ABCG4: variants seen among roughly 807,000 people sequenced by gnomAD.
ABCG4 encodes ATP-binding cassette sub-family G member 4.
A neutral mutation model predicts 64.6 loss-of-function variants in ABCG4; 35 were observed. The observed-to-expected ratio is 0.54, with a 90% CI of 0.41 to 0.72. ABCG4 has a LOEUF of 0.72. ABCG4 is among the 30% of genes least tolerant of loss of function. The pLI, the probability that ABCG4 is intolerant of heterozygous loss-of-function variation, is 0.00. For synonymous variants in ABCG4, 326 were observed against 348.2 expected, an observed-to-expected ratio of 0.94 and a Z score of 0.71; for missense variants, 610 against 846.3, an observed-to-expected ratio of 0.72 and a Z score of 3.46.
Position 119,158,376 on chromosome 11 carries a change from C to T in ABCG4, c.1167+44C>T. The T allele has an allele frequency of 1.3e-6, 2 of 1,597,322 alleles. No homozygotes were observed. Among genetic ancestry groups the T allele is most frequent in the Non-Finnish European group, 1.7e-6 (2 of 1,165,294 alleles). ...GGAGAGGAGGCTGGCACAGGCCTGA[C>T]CTTTTGGGCTGTAGGATCCCAGCAG... On this transcript the variant is annotated intron_variant, in intron 10 of 14. Coordinates refer to ENST00000619701, the MANE Select transcript of ABCG4 (RefSeq NM_022169.5). The surrounding 1 kb of genome is among the most constrained non-coding windows in gnomAD (Gnocchi z 4.5).
Position 119,156,118 on chromosome 11 carries a change from C to G in ABCG4, c.687-211C>G. ...TGTAATCCCAGTGCCTGGCATACAA[C>G]AGGTCCTCAATATATGCTTATGAAA... On this transcript the variant is annotated intron_variant, in intron 6 of 14. Coordinates refer to ENST00000619701, the MANE Select transcript of ABCG4 (RefSeq NM_022169.5). This position sits in a 1 kb window ranked among gnomAD's most constrained non-coding sequence, Gnocchi z 5.5. 1.7e-6 allele frequency: 1 copy of G among 594,060 alleles called. No individual in the cohort carries two copies. The allele number at this position is 594,060 out of a possible 1,614,324, so 36.8% of individuals were successfully genotyped here. A position where few individuals can be genotyped will look rare whatever the true frequency, so the allele number is the denominator to read the frequency against.
chr11:119,160,930 G>A lies in ABCG4; in HGVS notation c.1765G>A (p.Asp589Asn). The change falls in exon 15 of 15, where the codon GAC becomes AAC. Residue 589 changes from aspartate (D) to asparagine (N), a missense_variant. Coordinates refer to ENST00000619701, the MANE Select transcript of ABCG4 (RefSeq NM_022169.5). The surrounding 1 kb of genome is among the most constrained non-coding windows in gnomAD (Gnocchi z 4.6). ...GACGATCTATGGCATGGAGCGAGGA[G>A]ACCTGACATGTTTAGAGGAACGCTG... ...ILTIYGMERG[D>N]LTCLEERCPF... 6.2e-7 allele frequency: 1 copy of A among 1,614,088 alleles called. No homozygotes were observed. The highest frequency in any genetic ancestry group is 8.5e-7 in the Non-Finnish European group (1 of 1,179,978).
intron 9 of ABCG4, among the ~76,000 whole-genome samples, chr11:119,157,572 G>A (rs948051550): frequency 2.6e-5 from 4 of 152,270 alleles, no homozygotes; most frequent in South Asian, 4.1e-4. Context: ...TGTAAAATTG[G>A]TGGCATAAAG....
Position 119,154,705 on chromosome 11 carries a change from C to G in ABCG4, c.541-65C>G. 1.9e-6 allele frequency: 3 copies of G among 1,585,292 alleles called. No homozygotes were observed. The highest frequency in any genetic ancestry group is 2.6e-6 in the Non-Finnish European group (3 of 1,162,976). ...CACTTAAGGGAGATGCTTTTTGAAG[C>G]TGGGGTGGTGCCTGGGGGAAGCAGA... is the stretch of plus-strand genomic sequence containing the variant. On this transcript the variant is annotated intron_variant, in intron 5 of 14. Transcript: ENST00000619701. The surrounding 1 kb of genome is among the most constrained non-coding windows in gnomAD (Gnocchi z 7.0).
In ABCG4 at chr11:119,154,061, T is replaced by C; in HGVS notation, c.274T>C (p.Phe92Leu). 1 of 1,614,170 alleles carries C rather than the reference T, an allele frequency of 6.2e-7. No individual in the cohort carries two copies. Among genetic ancestry groups the C allele is most frequent in the Non-Finnish European group, 8.5e-7 (1 of 1,180,030 alleles). ...KTLLKCLSGK[F>L]CRRELIGIMG... ...CCTTCTCAAGTGCCTCTCAGGTAAA[T>C]TCTGCCGCCGGGAGCTGATTGGCAT... is the stretch of plus-strand genomic sequence containing the variant. Residue 92 changes from phenylalanine (F) to leucine (L), a missense_variant, in exon 3 of 15, where the codon TTC (phenylalanine) becomes CTC (leucine). By Grantham distance (22) the Phe-to-Leu change is conservative. Coordinates refer to ENST00000619701, the MANE Select transcript of ABCG4 (RefSeq NM_022169.5). The surrounding 1 kb of genome is among the most constrained non-coding windows in gnomAD (Gnocchi z 7.0).
At chr11:119,153,944 T>C (rs767579685) in intron 2 of ABCG4, 82 bp from the exon 3 acceptor site, 24 of 1,177,992 alleles carry the variant, frequency 2.0e-5, no homozygotes, top group Non-Finnish European at 2.9e-5. Flanking sequence ...ATTTCACTGA[T>C]AGCCATGGCT....
Position 119,159,384 on chromosome 11 carries a change from C to A in ABCG4, c.1437+455C>A, listed in dbSNP as rs199883745. Among the ~76,000 whole-genome samples the A allele has an allele frequency of 4.0e-3, 163 of 40,778 alleles. 1 individual carries two copies. The East Asian group carries it at 0.23, about 57-fold the overall frequency. The allele number at this position is 40,778 out of a possible 152,430, so 26.8% of individuals were successfully genotyped here. ...CACCTGTAGTCCCAGCTACTGGGGG[C>A]AATAACCCTACAAATGACTCTGTAA... On this transcript the variant is annotated intron_variant, in intron 12 of 14. Transcript: ENST00000619701.
In ABCG4 at chr11:119,157,165, A is replaced by G. The variant is rs779730367; in HGVS notation, c.1068+151A>G. 9 of 1,058,114 alleles carry G rather than the reference A, an allele frequency of 8.5e-6. No homozygotes were observed. In the African/African-American group the frequency reaches 1.5e-4, roughly 17 times the overall value. The allele number at this position is 1,058,114 out of a possible 1,614,324, so 65.5% of individuals were successfully genotyped here. A position where few individuals can be genotyped will look rare whatever the true frequency, so the allele number is the denominator to read the frequency against. On this transcript the variant is annotated intron_variant, in intron 9 of 14. Transcript: ENST00000619701. ...AGGACTTGGAATCGACCTACTAGGA[A>G]CAGCACTGTGACCTTAGGCACATTA...
In ABCG4 at chr11:119,155,177, T is replaced by A. The variant is rs968089649; in HGVS notation, c.686+262T>A. Among the ~76,000 whole-genome samples, 1 of 152,208 alleles carries A rather than the reference T, an allele frequency of 6.6e-6. No homozygotes were observed. The highest frequency in any genetic ancestry group is 2.4e-5 in the African/African-American group (1 of 41,458). The stretch of plus-strand genomic sequence containing the variant: ...CTCAGCCATCAGTCACCAAGTCCTG[T>A]TGATTCTGCCTCCTTTTGATATCTC... On this transcript the variant is annotated intron_variant, in intron 6 of 14. Coordinates refer to ENST00000619701, the MANE Select transcript of ABCG4 (RefSeq NM_022169.5). This position sits in a 1 kb window ranked among gnomAD's most constrained non-coding sequence, Gnocchi z 4.5.
In ABCG4 at chr11:119,161,458, G is replaced by A. The variant is rs774485282; in HGVS notation, c.*352G>A. ...GCCTGGGAGCCCTAGGCTCTCTAGGGCCCCACTTACAACTGACCAAAGTGG... is the reference window on the plus strand; with the variant it reads ...GCCTGGGAGCCCTAGGCTCTCTAGGACCCCACTTACAACTGACCAAAGTGG... On this transcript the variant is annotated 3_prime_UTR_variant, in exon 15 of 15. Coordinates refer to ENST00000619701, the MANE Select transcript of ABCG4 (RefSeq NM_022169.5). The A allele has an allele frequency of 4.5e-6, 1 of 219,914 alleles. No individual in the cohort carries two copies. Among genetic ancestry groups the A allele is most frequent in the Non-Finnish European group, 9.2e-6 (1 of 109,176 alleles). The allele number at this position is 219,914 out of a possible 1,614,324, so 13.6% of individuals were successfully genotyped here.
Position 119,160,124 on chromosome 11 carries a change from C to A in ABCG4, c.1438-103C>A. 1 of 1,319,054 alleles carries A rather than the reference C, an allele frequency of 7.6e-7. No individual in the cohort carries two copies. The highest frequency in any genetic ancestry group is 2.2e-4 in the Middle Eastern group (1 of 4,606). 81.7% of individuals were successfully genotyped at this position (1,319,054 alleles called of 1,614,324 possible). A position where few individuals can be genotyped will look rare whatever the true frequency, so the allele number is the denominator to read the frequency against. On this transcript the variant is annotated intron_variant, in intron 12 of 14. Coordinates refer to ENST00000619701, the MANE Select transcript of ABCG4 (RefSeq NM_022169.5). This position sits in a 1 kb window ranked among gnomAD's most constrained non-coding sequence, Gnocchi z 4.6. ...AGAATGTGGAGGCAGGATGGACACC[C>A]TGGGAATAGGTATTCTAGAGGCCCA... is the stretch of plus-strand genomic sequence containing the variant.
chr11:119,162,665 A>C (rs1365163600), downstream of ABCG4: 1 of 152,226 alleles, frequency 6.6e-6, no homozygotes, highest in African/African-American at 2.4e-5. Flanking sequence ...GCAATGTGTA[A>C]ATGTGTGTGG....
rs935927568 is a variant in ABCG4 at position 119,158,191 on chromosome 11, T to A, written c.1069-43T>A. 1 of 1,487,412 alleles carries A rather than the reference T, an allele frequency of 6.7e-7. No homozygotes were observed. The highest frequency in any genetic ancestry group is 1.4e-5 in the African/African-American group (1 of 71,336). 92.1% of individuals were successfully genotyped at this position (1,487,412 alleles called of 1,614,324 possible). ...CTGAGCTGGGTGTTCTGTGGGTGAA[T>A]GGGGTAGGCTCACCTGATCCCGATC... On this transcript the variant is annotated intron_variant, in intron 9 of 14. Transcript: ENST00000619701. This position sits in a 1 kb window ranked among gnomAD's most constrained non-coding sequence, Gnocchi z 4.5.
Position 119,149,867 on chromosome 11 carries a change from T to C in ABCG4, c.-12-87T>C. The C allele has an allele frequency of 6.9e-7, 1 of 1,453,866 alleles. No individual in the cohort carries two copies. The highest frequency in any genetic ancestry group is 2.4e-5 in the East Asian group (1 of 41,660). The allele number at this position is 1,453,866 out of a possible 1,614,324, so 90.1% of individuals were successfully genotyped here. A position where few individuals can be genotyped will look rare whatever the true frequency, so the allele number is the denominator to read the frequency against. On this transcript the variant is annotated intron_variant, in intron 1 of 14. Coordinates refer to ENST00000619701, the MANE Select transcript of ABCG4 (RefSeq NM_022169.5). This position sits in a 1 kb window ranked among gnomAD's most constrained non-coding sequence, Gnocchi z 8.3. ...TCTGCCCCGAGAAGGAGGTGGGCAG[T>C]GGGGGCGGGGGAAGCATTAGAACGC...
rs918472474 is a variant in ABCG4 at position 119,149,642 on chromosome 11, C to T, written c.-13+279C>T. 2.7e-6 allele frequency: 1 copy of T among 371,610 alleles called. No homozygotes were observed. The highest frequency in any genetic ancestry group is 4.1e-5 in the South Asian group (1 of 24,386). The allele number at this position is 371,610 out of a possible 1,614,324, so 23.0% of individuals were successfully genotyped here. ...GCAGCCTCTGCCGGCTGCCTCTTCT[C>T]CCCCGCCCCCTATTCCTTCAGTCCC... On this transcript the variant is annotated intron_variant, in intron 1 of 14. Coordinates refer to ENST00000619701, the MANE Select transcript of ABCG4 (RefSeq NM_022169.5). The surrounding 1 kb of genome is among the most constrained non-coding windows in gnomAD (Gnocchi z 8.3).
At position 119,156,415 on chromosome 11, in the gene ABCG4, A is replaced by G; in HGVS notation, c.773A>G (p.His258Arg). The change falls in exon 7 of 15, where the codon CAC (histidine) becomes CGC (arginine). Residue 258 changes from histidine (H) to arginine (R), a missense_variant. Transcript: ENST00000619701. The surrounding 1 kb of genome is among the most constrained non-coding windows in gnomAD (Gnocchi z 5.5). ...QGGRTIICTIHQPSAKLFEMF... is the reference protein window; with the variant it reads ...QGGRTIICTIRQPSAKLFEMF... Reference sequence around the variant, plus strand: ...GGCCGTACCATCATCTGCACCATCCACCAGCCCAGTGCCAAGCTCTTTGAG... The same window carrying G: ...GGCCGTACCATCATCTGCACCATCCGCCAGCCCAGTGCCAAGCTCTTTGAG... 1 of 1,614,062 alleles carries G rather than the reference A, an allele frequency of 6.2e-7. No individual in the cohort carries two copies. The highest frequency in any genetic ancestry group is 8.5e-7 in the Non-Finnish European group (1 of 1,180,002).
Position 119,158,675 on chromosome 11 carries a change from T to C in ABCG4, c.1286T>C (p.Phe429Ser). ...TTCAACAACACCGGCTGCCTCTTCT[T>C]CTCCATGCTGTTCCTCATGTTCGCC... ...KVFNNTGCLFFSMLFLMFAAL... is the reference protein window; with the variant it reads ...KVFNNTGCLFSSMLFLMFAAL... The change falls in exon 11 of 15, where the codon TTC becomes TCC. Residue 429 changes from phenylalanine (F) to serine (S), a missense_variant. Phe to Ser is a radical substitution (Grantham distance 155, BLOSUM62 -2). Coordinates refer to ENST00000619701, the MANE Select transcript of ABCG4 (RefSeq NM_022169.5). The surrounding 1 kb of genome is among the most constrained non-coding windows in gnomAD (Gnocchi z 4.5). 1.2e-6 allele frequency: 2 copies of C among 1,614,112 alleles called. No individual in the cohort carries two copies. Among genetic ancestry groups the C allele is most frequent in the Non-Finnish European group, 1.7e-6 (2 of 1,180,010 alleles).
Position 119,161,822 on chromosome 11 carries a change from CTG to C in ABCG4, c.*720_*721del, listed in dbSNP as rs1412474422. On this transcript the variant is annotated 3_prime_UTR_variant, in exon 15 of 15. Coordinates refer to ENST00000619701, the MANE Select transcript of ABCG4 (RefSeq NM_022169.5). ...CCTGGTGGCACCTGTGCAATAATGT[CTG>C]TGTTTCTCTCCCACCTGCCACTGGA... 4 of 153,008 alleles carry C rather than the reference CTG, an allele frequency of 2.6e-5. No individual in the cohort carries two copies. Among genetic ancestry groups the C allele is most frequent in the African/African-American group, 9.6e-5 (4 of 41,580 alleles). The allele number at this position is 153,008 out of a possible 1,614,324, so 9.5% of individuals were successfully genotyped here.
chr11:119,156,447 G>C lies in ABCG4; in HGVS notation c.805G>C (p.Asp269His). The change falls in exon 7 of 15, where the codon GAC becomes CAC. Residue 269 changes from aspartate to histidine, a missense_variant. Coordinates refer to ENST00000619701, the MANE Select transcript of ABCG4 (RefSeq NM_022169.5). This position sits in a 1 kb window ranked among gnomAD's most constrained non-coding sequence, Gnocchi z 5.5. ...CAGTGCCAAGCTCTTTGAGATGTTT[G>C]ACAAGGTGAGTGTCTCCAGGCCTCA... is the stretch of plus-strand genomic sequence containing the variant. ...QPSAKLFEMF[D>H]KLYILSQGQC... is the part of the protein sequence containing the mutation. 6.2e-7 allele frequency: 1 copy of C among 1,614,170 alleles called. No individual in the cohort carries two copies. Among genetic ancestry groups the C allele is most frequent in the South Asian group, 1.1e-5 (1 of 91,074 alleles).
Sources: gnomAD v4.1 joint callset for allele counts (sites outside exome capture counted in the v4.1 genomes callset) on GRCh38, gnomAD v4.1.1 for gene constraint, Gnocchi (gnomAD v3.1) non-coding constraint, MANE v1.5 for transcripts, NCBI Gene and HGNC (gene_info 2026-07-23, HGNC 2026-07-21) for gene names.